SYTL3: variants seen among roughly 807,000 people sequenced by gnomAD.
The protein encoded by SYTL3 is synaptotagmin-like protein 3.
Under a neutral mutation model 82.1 loss-of-function variants are expected in SYTL3, and 88 were observed. The observed-to-expected ratio is 1.07, with a 90% CI of 0.90 to 1.28. The LOEUF (loss-of-function observed/expected upper bound fraction) is 1.28, where lower values mean the gene tolerates loss of function less well. SYTL3 is among the 50% of genes most tolerant of loss of function. The probability of loss-of-function intolerance (pLI) is 0.00; values close to 1 mark genes in which losing one functional copy is unlikely to be tolerated. For missense variants in SYTL3, 831 were observed against 757.6 expected (o/e 1.10, Z -1.14); for synonymous variants, 311 against 289.4 (o/e 1.07, Z -0.76).
intron 9 of SYTL3, among the ~76,000 whole-genome samples, chr6:158,716,225 G>A (rs531779612): frequency 7.2e-5 from 11 of 152,270 alleles, no homozygotes; most frequent in African/African-American, 1.4e-4. Flanking sequence ...GAAGCAATCT[G>A]CATTTCTTTC....
intron 5 of SYTL3, among the ~76,000 whole-genome samples, chr6:158,681,940 A>G (rs1445191678): frequency 1.3e-5 from 2 of 152,176 alleles, no homozygotes; most frequent in African/African-American, 2.4e-5. Flanking sequence ...TACATTGGTC[A>G]TTTGTGGTGA....
intron 11 of SYTL3, among the ~76,000 whole-genome samples, chr6:158,732,594 G>A (rs1349955598): frequency 6.6e-6 from 1 of 152,200 alleles, no homozygotes; most frequent in Non-Finnish European, 1.5e-5. Context: ...CTAAAGTGCA[G>A]TACCCTGCAG....
intron 6 of SYTL3, among the ~76,000 whole-genome samples, chr6:158,684,544 G>A (rs1272511230): frequency 6.6e-6 from 1 of 152,188 alleles, no homozygotes; most frequent in South Asian, 2.1e-4. Context: ...ACTATATCAG[G>A]GATGCGGGCA....
intron 9 of SYTL3, among the ~76,000 whole-genome samples, chr6:158,715,637 A>AT (rs1783306848): frequency 2.1e-5 from 1 of 46,842 alleles, no homozygotes; most frequent in Non-Finnish European, 3.6e-5. Flanking sequence ...AGCACCCCCC[A>AT]TACCCCCCCA....
intron 6 of SYTL3, among the ~76,000 whole-genome samples, chr6:158,684,728 A>T (rs1414357900): frequency 6.6e-6 from 1 of 151,808 alleles, no homozygotes; most frequent in Non-Finnish European, 1.5e-5. Flanking sequence ...GTTGATATTC[A>T]GCTTTTATAA....
intron 7 of SYTL3, 81 bp downstream of exon 7, chr6:158,707,362 C>A: frequency 5.1e-6 from 6 of 1,177,716 alleles, no homozygotes; most frequent in Non-Finnish European, 7.4e-6. Context: ...TTATAGGTCT[C>A]TTGACTTTCA....
chr6:158,663,360 CAGA>C lies in SYTL3; in HGVS notation c.93_95del (p.Glu34del). On this transcript the variant is annotated inframe_deletion, in exon 4 of 18. Coordinates refer to ENST00000611299, the MANE Select transcript of SYTL3 (RefSeq NM_001242394.2). ...TACCGAGACCAGGCGGTTCAAAACA[CAGA>C]GGAGGAGAGGACACGGTAGGCTGCC... The C allele has an allele frequency of 6.2e-7, 1 of 1,613,914 alleles. No individual in the cohort carries two copies. Among genetic ancestry groups the C allele is most frequent in the Non-Finnish European group, 8.5e-7 (1 of 1,180,014 alleles).
chr6:158,679,613 GA>G (rs1179012371), intron 5 of SYTL3, among the ~76,000 whole-genome samples: 1 of 152,058 alleles, frequency 6.6e-6, no homozygotes, highest in East Asian at 1.9e-4. Flanking sequence ...AGAGATCCTC[GA>G]GTTTATGCCC....
At chr6:158,700,022 G>A (rs1316525230) in intron 6 of SYTL3, among the ~76,000 whole-genome samples, 5 of 151,786 alleles carry the variant, frequency 3.3e-5, no homozygotes, top group African/African-American at 4.8e-5. Flanking sequence ...TTGGGAGGCC[G>A]AGGTGGGCAG....
chr6:158,757,508 C>T (rs1789290211), intron 14 of SYTL3, 127 bp downstream of exon 14: 3 of 1,044,916 alleles, frequency 2.9e-6, no homozygotes, highest in African/African-American at 1.6e-5. Context: ...GTTCGCCGGC[C>T]TGGCGCTGTG....
At chr6:158,651,086 G>A (rs1787951343) in intron 1 of SYTL3, among the ~76,000 whole-genome samples, 2 of 152,226 alleles carry the variant, frequency 1.3e-5, no homozygotes, top group African/African-American at 4.8e-5. Context: ...TAGAGTGTGA[G>A]TTTAGGTAAG....
At position 158,665,487 on chromosome 6, in the gene SYTL3, A is replaced by G; in HGVS notation, c.203A>G (p.Gln68Arg). Residue 68 changes from glutamine to arginine, a missense_variant, in exon 5 of 18, where the codon CAG (glutamine) becomes CGG (arginine). Coordinates refer to ENST00000611299, the MANE Select transcript of SYTL3 (RefSeq NM_001242394.2). ...HKEKCCARCQ[Q>R]VLGFLLHRGA... ...GAGAAGTGCTGTGCGCGCTGCCAGC[A>G]GGTGCTGGGGTTCCTGCTGCACCGG... 1 of 1,605,964 alleles carries G rather than the reference A, an allele frequency of 6.2e-7. No individual in the cohort carries two copies. The highest frequency in any genetic ancestry group is 8.5e-7 in the Non-Finnish European group (1 of 1,176,486).
At chr6:158,757,715 C>G (rs979205962) in intron 14 of SYTL3, among the ~76,000 whole-genome samples, 6 of 152,230 alleles carry the variant, frequency 3.9e-5, no homozygotes, top group Non-Finnish European at 7.3e-5. Context: ...ATGCCTTTCC[C>G]TGGGGGCACC....
At chr6:158,664,999 C>T (rs1022792779) in intron 4 of SYTL3, among the ~76,000 whole-genome samples, 1 of 152,154 alleles carries the variant, frequency 6.6e-6, no homozygotes, top group Non-Finnish European at 1.5e-5. Flanking sequence ...CTAGATTATT[C>T]CATGCCTTGC....
chr6:158,728,840 G>T (rs1164820358), intron 11 of SYTL3, among the ~76,000 whole-genome samples: 1 of 151,770 alleles, frequency 6.6e-6, no homozygotes, highest in Admixed American at 6.6e-5. Flanking sequence ...TGGCTAACAT[G>T]GTGAAACCTC....
At chr6:158,761,838 A>G (rs375772806) in intron 15 of SYTL3, among the ~76,000 whole-genome samples, 187 of 152,234 alleles carry the variant, frequency 1.2e-3, no homozygotes, top group African/African-American at 4.3e-3. Context: ...ACTCTTTTCT[A>G]GGATCTTAGT....
intron 14 of SYTL3, among the ~76,000 whole-genome samples, chr6:158,758,702 G>A (rs1209388506): frequency 6.6e-6 from 1 of 152,090 alleles, no homozygotes; most frequent in African/African-American, 2.4e-5. Context: ...ACTCCCCCAA[G>A]CTAGAGTCCG....
intron 10 of SYTL3, among the ~76,000 whole-genome samples, chr6:158,719,795 C>T (rs1783856811): frequency 6.6e-6 from 1 of 152,196 alleles, no homozygotes; most frequent in Non-Finnish European, 1.5e-5. Flanking sequence ...TTGTTACTCC[C>T]ATGATAAAGA....
intron 6 of SYTL3, among the ~76,000 whole-genome samples, chr6:158,692,115 G>T (rs1188133422): frequency 3.4e-5 from 5 of 147,964 alleles, no homozygotes; most frequent in Non-Finnish European, 7.5e-5. Context: ...AAAATTAGCC[G>T]GGCGTGGTGG....
Sources: gnomAD v4.1 joint callset for allele counts (sites outside exome capture counted in the v4.1 genomes callset) on GRCh38, gnomAD v4.1.1 for gene constraint, MANE v1.5 for transcripts, NCBI Gene and HGNC (gene_info 2026-07-23, HGNC 2026-07-21) for gene names.